Variants in SYT9 observed in about 807,000 individuals in gnomAD.
SYT9 encodes synaptotagmin-9.
A neutral mutation model predicts 48.4 loss-of-function variants in SYT9; 22 were observed. The observed-to-expected ratio is 0.45, with a 90% CI of 0.32 to 0.65. The LOEUF is 0.65. SYT9 is among the 30% of genes least tolerant of loss of function. The pLI, the probability that SYT9 is intolerant of heterozygous loss-of-function variation, is 0.03. For missense variants in SYT9, 577 were observed against 622.0 expected (o/e 0.93, Z 0.77); for synonymous variants, 265 against 245.0 (o/e 1.08, Z -0.76).
chr11:7,448,859 T>A (rs561756336), intron 6 of SYT9, among the ~76,000 whole-genome samples: 1 of 152,136 alleles, frequency 6.6e-6, no homozygotes, highest in East Asian at 1.9e-4. Context: ...TCACTAAGGA[T>A]GAGAAGGCTG....
intron 3 of SYT9, among the ~76,000 whole-genome samples, chr11:7,406,976 G>C (rs73399602): frequency 0.014 from 2,191 of 152,004 alleles, 49 homozygotes; most frequent in African/African-American, 0.049. Context: ...AAACTTCTTG[G>C]CCATTTGTAT....
chr11:7,246,595 A>G (rs950438018), intron 1 of SYT9, among the ~76,000 whole-genome samples: 4 of 152,202 alleles, frequency 2.6e-5, no homozygotes, highest in Non-Finnish European at 4.4e-5. Flanking sequence ...TGGAGCCACA[A>G]AGATGTGGAT....
chr11:7,314,647 A>C (rs754559233), intron 3 of SYT9, among the ~76,000 whole-genome samples: 58 of 152,240 alleles, frequency 3.8e-4, no homozygotes, highest in Non-Finnish European at 6.8e-4. Context: ...TACTCCATTT[A>C]TATCCTTTTC....
intron 1 of SYT9, among the ~76,000 whole-genome samples, chr11:7,267,285 G>A (rs1240330175): frequency 1.3e-5 from 2 of 151,890 alleles, no homozygotes; most frequent in Non-Finnish European, 2.9e-5. Flanking sequence ...AGAAGTTATA[G>A]AGTTAAAATA....
chr11:7,452,481 G>A lies in SYT9; in HGVS notation c.1468-14311G>A, dbSNP rs147995647. ...CAATGTCTTGAGAGGCTGCTCTGAA[G>A]AAGTTCTAATTTTTGACAAAGTTTT... On this transcript the variant is annotated intron_variant, in intron 6 of 6. Transcript: ENST00000318881. 2.3e-4 allele frequency among the ~76,000 whole-genome samples: 35 copies of A among 152,286 alleles called. No individual in the cohort carries two copies. The East Asian group carries it at 6.4e-3, about 28-fold the overall frequency.
intron 3 of SYT9, among the ~76,000 whole-genome samples, chr11:7,362,384 A>G (rs1850156165): frequency 6.6e-6 from 1 of 151,964 alleles, no homozygotes; most frequent in African/African-American, 2.4e-5. Context: ...ATCCTTCTGC[A>G]TTGGCCTCCC....
At chr11:7,441,928 C>A (rs1443737429) in intron 6 of SYT9, among the ~76,000 whole-genome samples, 1 of 152,030 alleles carries the variant, frequency 6.6e-6, no homozygotes, top group South Asian at 2.1e-4. Flanking sequence ...ACCCAGCCAA[C>A]CTTCCAGCTA....
chr11:7,271,229 G>A lies in SYT9; in HGVS notation c.145+18898G>A, dbSNP rs550438420. ...CCCACTTTTGATGTCAATTTAGGTAGCATTTTTCTTTCATCCTGATAGGTG... is the reference window on the plus strand; with the variant it reads ...CCCACTTTTGATGTCAATTTAGGTAACATTTTTCTTTCATCCTGATAGGTG... On this transcript the variant is annotated intron_variant, in intron 1 of 6. Coordinates refer to ENST00000318881, the MANE Select transcript of SYT9 (RefSeq NM_175733.4). Among the ~76,000 whole-genome samples the A allele has an allele frequency of 5.3e-5, 8 of 152,036 alleles. No individual in the cohort carries two copies. In the South Asian group the frequency reaches 1.0e-3, roughly 20 times the overall value.
intron 6 of SYT9, among the ~76,000 whole-genome samples, chr11:7,462,529 T>A (rs78626087): frequency 0.035 from 5,344 of 152,242 alleles, 314 homozygotes; most frequent in African/African-American, 0.12. Context: ...CTAATCAGAT[T>A]GTAAACTGGC....
At chr11:7,269,470 A>T (rs1331557400) in intron 1 of SYT9, among the ~76,000 whole-genome samples, 3 of 152,142 alleles carry the variant, frequency 2.0e-5, no homozygotes, top group African/African-American at 7.2e-5. Context: ...GAGACCTAGG[A>T]GTAGTCTGCC....
rs2134165006 is a variant in SYT9 at position 7,468,145 on chromosome 11, CA to C, written c.*1347del. 2.5e-6 allele frequency: 1 copy of C among 397,522 alleles called. No individual in the cohort carries two copies. Among genetic ancestry groups the C allele is most frequent in the African/African-American group, 2.1e-5 (1 of 48,720 alleles). The allele number at this position is 397,522 out of a possible 1,614,324, so 24.6% of individuals were successfully genotyped here. A position where few individuals can be genotyped will look rare whatever the true frequency, so the allele number is the denominator to read the frequency against. ...CCAAGATAGTATTTTTCTTTTCACA[CA>C]ATCTCTTTACAGCAGAATCCAGAGT... is the stretch of plus-strand genomic sequence containing the variant. On this transcript the variant is annotated 3_prime_UTR_variant, in exon 7 of 7. Coordinates refer to ENST00000318881, the MANE Select transcript of SYT9 (RefSeq NM_175733.4).
chr11:7,278,128 A>C (rs1007062686), intron 1 of SYT9, among the ~76,000 whole-genome samples: 1 of 152,166 alleles, frequency 6.6e-6, no homozygotes, highest in Non-Finnish European at 1.5e-5. Flanking sequence ...CTTCTTCTAC[A>C]TCTAATTGCC....
chr11:7,306,625 A>G (rs1849035837), intron 2 of SYT9, among the ~76,000 whole-genome samples: 1 of 152,178 alleles, frequency 6.6e-6, no homozygotes. Flanking sequence ...TCCCTCAGCC[A>G]GGAATGCTTT....
chr11:7,394,451 T>A (rs1286559724), intron 3 of SYT9, among the ~76,000 whole-genome samples: 4 of 152,114 alleles, frequency 2.6e-5, no homozygotes, highest in Non-Finnish European at 5.9e-5. Context: ...TAGCAGCATG[T>A]TTTGTAATCC....
At chr11:7,321,921 G>C (rs914546514) in intron 3 of SYT9, among the ~76,000 whole-genome samples, 4 of 152,144 alleles carry the variant, frequency 2.6e-5, no homozygotes, top group African/African-American at 9.7e-5. Flanking sequence ...ATGTAAATGA[G>C]CAATGAGGGC....
At chr11:7,408,429 G>T (rs1847066597) in intron 3 of SYT9, among the ~76,000 whole-genome samples, 1 of 152,202 alleles carries the variant, frequency 6.6e-6, no homozygotes, top group Non-Finnish European at 1.5e-5. Flanking sequence ...TGCCCAGCCA[G>T]TAGTATGGTC....
chr11:7,325,351 G>C (rs1849413216), intron 3 of SYT9, among the ~76,000 whole-genome samples: 2 of 134,976 alleles, frequency 1.5e-5, no homozygotes, highest in Admixed American at 7.7e-5. Context: ...TGGATTCCTA[G>C]GTATTTTATT....
intron 6 of SYT9, among the ~76,000 whole-genome samples, chr11:7,426,263 C>T (rs145340075): frequency 6.6e-6 from 1 of 152,186 alleles, no homozygotes; most frequent in East Asian, 1.9e-4. Flanking sequence ...ACTACCTCTG[C>T]TGCTGAGGAT....
At chr11:7,292,631 T>C (rs1848714787) in intron 1 of SYT9, among the ~76,000 whole-genome samples, 1 of 152,212 alleles carries the variant, frequency 6.6e-6, no homozygotes, top group African/African-American at 2.4e-5. Flanking sequence ...AGTCCCTACA[T>C]GTTTTTGAGT....
Sources: allele counts gnomAD v4.1 joint callset (sites outside exome capture counted in the v4.1 genomes callset), GRCh38; gene constraint gnomAD v4.1.1; transcripts MANE v1.5; gene names NCBI Gene and HGNC (gene_info 2026-07-23, HGNC 2026-07-21).